PTCSC3: variants seen among roughly 807,000 people sequenced by gnomAD.
PTCSC3 encodes the protein papillary thyroid carcinoma susceptibility candidate 3.
intron 1 of PTCSC3, among the ~76,000 whole-genome samples, chr14:36,171,925 C>T (rs1294348763): frequency 2.6e-5 from 4 of 152,104 alleles, no homozygotes; most frequent in African/African-American, 9.7e-5. Context: ...TTAACCTTTC[C>T]CATCTGCCTT....
At chr14:36,139,413 C>G (rs915525250) in intron 3 of PTCSC3, among the ~76,000 whole-genome samples, 1 of 152,068 alleles carries the variant, frequency 6.6e-6, no homozygotes, top group Non-Finnish European at 1.5e-5. Context: ...TCTATAATAA[C>G]AGAAAATAAT....
intron 3 of PTCSC3, among the ~76,000 whole-genome samples, chr14:36,144,001 C>T (rs1881493239): frequency 6.6e-6 from 1 of 152,170 alleles, no homozygotes; most frequent in African/African-American, 2.4e-5. Context: ...GGGCTCTGTT[C>T]TGTTCCATTG....
At chr14:36,147,482 C>T (rs187065150) in intron 3 of PTCSC3, among the ~76,000 whole-genome samples, 7 of 152,172 alleles carry the variant, frequency 4.6e-5, no homozygotes, top group African/African-American at 1.4e-4. Context: ...GCATTCTTCA[C>T]GTTGTTCTTG....
At chr14:36,135,313 C>T (rs920436125), downstream of PTCSC3, among the ~76,000 whole-genome samples, 2 of 151,970 alleles carry the variant, frequency 1.3e-5, no homozygotes, top group African/African-American at 4.8e-5. Context: ...GGTTAATTTA[C>T]CCTAAAGAGC....
chr14:36,157,559 C>G (rs1281423723), intron 2 of PTCSC3, among the ~76,000 whole-genome samples: 2 of 151,834 alleles, frequency 1.3e-5, no homozygotes, highest in African/African-American at 2.4e-5. Flanking sequence ...TTTAATTCAT[C>G]TTTTTTGTAT....
chr14:36,175,961 A>G (rs1200377755), intron 1 of PTCSC3, among the ~76,000 whole-genome samples: 5 of 152,192 alleles, frequency 3.3e-5, no homozygotes, highest in Non-Finnish European at 7.3e-5. Flanking sequence ...CCATAAGTGT[A>G]TTAAATTCAT....
chr14:36,152,544 A>G (rs1014255750), intron 3 of PTCSC3, among the ~76,000 whole-genome samples: 2 of 152,182 alleles, frequency 1.3e-5, no homozygotes, highest in Non-Finnish European at 2.9e-5. Context: ...CTTAATATTC[A>G]GTATTTTAAA....
chr14:36,141,200 T>A (rs1362600455), intron 3 of PTCSC3, among the ~76,000 whole-genome samples: 1 of 152,214 alleles, frequency 6.6e-6, no homozygotes, highest in African/African-American at 2.4e-5. Flanking sequence ...TTCTTTGATA[T>A]TGTATTGGCT....
At chr14:36,142,832 A>C (rs1881458215) in intron 3 of PTCSC3, among the ~76,000 whole-genome samples, 3 of 117,298 alleles carry the variant, frequency 2.6e-5, no homozygotes, top group Non-Finnish European at 4.9e-5. Context: ...AACAGTCCCC[A>C]GACTATGATA....
intron 2 of PTCSC3, among the ~76,000 whole-genome samples, chr14:36,157,136 G>C (rs1881847383): frequency 6.6e-6 from 1 of 152,130 alleles, no homozygotes; most frequent in African/African-American, 2.4e-5. Context: ...TCACATTGTG[G>C]TTTTGATTTG....
chr14:36,175,590 G>A (rs186394333), intron 1 of PTCSC3, among the ~76,000 whole-genome samples: 10 of 152,242 alleles, frequency 6.6e-5, no homozygotes, highest in African/African-American at 2.4e-4. Context: ...CAAAATGCCC[G>A]ATATGCCCGA....
chr14:36,149,894 C>G (rs1881684386), intron 3 of PTCSC3, among the ~76,000 whole-genome samples: 1 of 152,116 alleles, frequency 6.6e-6, no homozygotes, highest in Admixed American at 6.5e-5. Context: ...AAAAGTTTTT[C>G]AGATTTCAGA....
chr14:36,141,256 T>C (rs533085249), intron 3 of PTCSC3, among the ~76,000 whole-genome samples: 5 of 152,278 alleles, frequency 3.3e-5, no homozygotes. Flanking sequence ...AATCAATTTG[T>C]TGATATTCAC....
intron 3 of PTCSC3, chr14:36,136,357 C>G (rs1324035914): frequency 6.6e-6 from 1 of 152,222 alleles, no homozygotes; most frequent in Non-Finnish European, 1.5e-5. Context: ...AGCACTGTCT[C>G]TGTAAAGAAA....
At chr14:36,135,917 ATATGTGTGTGTG>A (rs1566500376), downstream of PTCSC3, among the ~76,000 whole-genome samples, 1 of 145,894 alleles carries the variant, frequency 6.9e-6, no homozygotes, top group Non-Finnish European at 1.5e-5. Flanking sequence ...GTGTGTGTGT[ATATGTGTGTGTG>A]TATATATATA....
At chr14:36,169,649 T>G (rs535032017) in intron 1 of PTCSC3, among the ~76,000 whole-genome samples, 1 of 152,266 alleles carries the variant, frequency 6.6e-6, no homozygotes, top group South Asian at 2.1e-4. Flanking sequence ...CTGGTTGTGT[T>G]TAGGGGAACA....
At chr14:36,160,029 A>T (rs1881921246) in intron 2 of PTCSC3, among the ~76,000 whole-genome samples, 1 of 152,134 alleles carries the variant, frequency 6.6e-6, no homozygotes, top group Admixed American at 6.6e-5. Context: ...CTGTTTTATC[A>T]GAGACTAGGA....
At chr14:36,157,600 T>G (rs190838182) in intron 2 of PTCSC3, among the ~76,000 whole-genome samples, 35 of 152,306 alleles carry the variant, frequency 2.3e-4, no homozygotes, top group African/African-American at 7.7e-4. Context: ...AGTTTCAGTT[T>G]TCTGCGTATG....
chr14:36,157,473 C>T (rs561067436), intron 2 of PTCSC3, among the ~76,000 whole-genome samples: 2 of 152,152 alleles, frequency 1.3e-5, no homozygotes, highest in South Asian at 4.2e-4. Flanking sequence ...AAGTCTTTGC[C>T]CATGCCTATG....
Sources: allele counts gnomAD v4.1 joint callset (sites outside exome capture counted in the v4.1 genomes callset), GRCh38; gene constraint gnomAD v4.1.1; transcripts MANE v1.5; gene names NCBI Gene and HGNC (gene_info 2026-07-23, HGNC 2026-07-21).